SVEP1: variants seen among roughly 807,000 people sequenced by gnomAD.
SVEP1 encodes sushi, von Willebrand factor type A, EGF and pentraxin domain containing 1.
Under a neutral mutation model 367.3 loss-of-function variants are expected in SVEP1, and 164 were observed. That is an observed-to-expected ratio of 0.45 (90% CI 0.39 to 0.51). The LOEUF (loss-of-function observed/expected upper bound fraction) is 0.51, where lower values mean the gene tolerates loss of function less well. SVEP1 is among the 20% of genes least tolerant of loss of function. The pLI, the probability that SVEP1 is intolerant of heterozygous loss-of-function variation, is 0.00. For missense variants in SVEP1, 4,117 were observed against 4,425.3 expected (o/e 0.93, Z 1.98); for synonymous variants, 1,666 against 1,611.6 (o/e 1.03, Z -0.81).
Position 110,431,937 on chromosome 9 carries a change from T to A in SVEP1, c.5331A>T (p.Thr1777=), listed in dbSNP as rs1828356117. The A allele has an allele frequency of 2.5e-6, 4 of 1,613,572 alleles. No homozygotes were observed. Among genetic ancestry groups the A allele is most frequent in the Non-Finnish European group, 3.4e-6 (4 of 1,179,690 alleles). The part of the protein sequence containing the change: ...SYICSCVPPY[T]GDGKNCAEPI... ...TACCTGCACAGTTTTTCCCATCTCC[T>A]GTGTACGGTGGGACACATGAACATA... Residue 1777 remains threonine, a synonymous_variant, in exon 32 of 48, where the codon ACA becomes ACT. Coordinates refer to ENST00000374469, the MANE Select transcript of SVEP1 (RefSeq NM_153366.4).
chr9:110,522,844 A>G (rs1053587923), intron 3 of SVEP1, among the ~76,000 whole-genome samples: 3 of 152,154 alleles, frequency 2.0e-5, no homozygotes, highest in African/African-American at 7.2e-5. Context: ...AATACGGATT[A>G]TATCAGTTGT....
chr9:110,382,149 G>A (rs564109031), intron 43 of SVEP1, among the ~76,000 whole-genome samples: 1 of 152,216 alleles, frequency 6.6e-6, no homozygotes, highest in Admixed American at 6.5e-5. Context: ...TTGCAGACTT[G>A]TTGATGTAGT....
At chr9:110,428,417 C>T (rs10980383) in intron 35 of SVEP1, among the ~76,000 whole-genome samples, 6 of 57,040 alleles carry the variant, frequency 1.1e-4, no homozygotes, top group Non-Finnish European at 2.0e-4. Flanking sequence ...CACACACACA[C>T]ACACACACAC....
chr9:110,560,683 T>C (rs1830416698), intron 1 of SVEP1, among the ~76,000 whole-genome samples: 1 of 152,176 alleles, frequency 6.6e-6, no homozygotes, highest in Non-Finnish European at 1.5e-5. Context: ...TCCCTCCTCC[T>C]GTTTTCAAGA....
intron 3 of SVEP1, among the ~76,000 whole-genome samples, chr9:110,517,567 C>T (rs918636664): frequency 1.4e-5 from 2 of 147,734 alleles, no homozygotes; most frequent in Non-Finnish European, 3.0e-5. Context: ...CACTGAACTC[C>T]AGCCTGGGTG....
intron 3 of SVEP1, among the ~76,000 whole-genome samples, chr9:110,538,238 C>T (rs1830103710): frequency 6.6e-6 from 1 of 152,004 alleles, no homozygotes; most frequent in African/African-American, 2.4e-5. Context: ...GCAACAGTTA[C>T]AAATTCTCCA....
At chr9:110,516,757 AAGAGAATTG>A (rs1829809533) in intron 3 of SVEP1, among the ~76,000 whole-genome samples, 2 of 152,216 alleles carry the variant, frequency 1.3e-5, no homozygotes, top group Non-Finnish European at 1.5e-5. Flanking sequence ...ACTCCAGAAC[AAGAGAATTG>A]AGTAGAAGTA....
At position 110,407,213 on chromosome 9, in the gene SVEP1, G is replaced by T; in HGVS notation, c.8387C>A (p.Thr2796Lys). ...TCCGGGGTCACACTCATAGTACAAC[G>T]TGCTCAGGTATGTGTAGTTGCTTCC... is the stretch of plus-strand genomic sequence containing the variant. Reference protein sequence around the residue: ...IKGSNYTYLSTLYYECDPGYV... With the variant: ...IKGSNYTYLSKLYYECDPGYV... Residue 2796 changes from threonine to lysine, a missense_variant, in exon 38 of 48, where the codon ACG (threonine) becomes AAG (lysine). Physicochemically the swap from Thr to Lys is moderately conservative, Grantham distance 78. Around this residue, in one of 4 missense-constraint regions of SVEP1, gnomAD observed 1,765 missense variants for 1,781.1 expected, o/e 0.99. Coordinates refer to ENST00000374469, the MANE Select transcript of SVEP1 (RefSeq NM_153366.4). 6.2e-7 allele frequency: 1 copy of T among 1,613,970 alleles called. No individual in the cohort carries two copies. Among genetic ancestry groups the T allele is most frequent in the South Asian group, 1.1e-5 (1 of 91,080 alleles).
chr9:110,398,891 T>C (rs1448025569), intron 40 of SVEP1, among the ~76,000 whole-genome samples: 1 of 152,230 alleles, frequency 6.6e-6, no homozygotes, highest in Admixed American at 6.5e-5. Flanking sequence ...TTTTACACTG[T>C]TGGTGAGACT....
In SVEP1 at chr9:110,390,319, A is replaced by ACG. The variant is rs1827629766; in HGVS notation, c.9823-733_9823-732insCG. On this transcript the variant is annotated intron_variant, in intron 40 of 47. Coordinates refer to ENST00000374469, the MANE Select transcript of SVEP1 (RefSeq NM_153366.4). ...TATATACTTATATAAGTATGTGTAT[A>ACG]TATACTTATATATACACATACTTAT... is the stretch of plus-strand genomic sequence containing the variant. Among the ~76,000 whole-genome samples the ACG allele has an allele frequency of 3.5e-5, 4 of 114,778 alleles. No individual in the cohort carries two copies. In the South Asian group the frequency reaches 1.0e-3, roughly 29 times the overall value. The allele number at this position is 114,778 out of a possible 152,430, so 75.3% of individuals were successfully genotyped here. A position where few individuals can be genotyped will look rare whatever the true frequency, so the allele number is the denominator to read the frequency against.
intron 22 of SVEP1, among the ~76,000 whole-genome samples, chr9:110,452,038 G>A (rs768687600): frequency 1.3e-5 from 2 of 152,160 alleles, no homozygotes; most frequent in South Asian, 2.1e-4. Flanking sequence ...ACAAAGACTC[G>A]TTGGGTTGAA....
At chr9:110,435,716 G>A (rs74317999) in intron 28 of SVEP1, among the ~76,000 whole-genome samples, 1,920 of 152,286 alleles carry the variant, frequency 0.013, 41 homozygotes, top group African/African-American at 0.043. Flanking sequence ...AGGAAGCTGA[G>A]GCTTAGAGAT....
chr9:110,379,603 C>G, intron 43 of SVEP1, 86 bp from the exon 44 acceptor site: 1 of 1,369,558 alleles, frequency 7.3e-7, no homozygotes, highest in Non-Finnish European at 1.0e-6. Context: ...AATTAAAGAG[C>G]AAAAATAAAA....
At chr9:110,541,536 G>T (rs1830144779) in intron 3 of SVEP1, among the ~76,000 whole-genome samples, 1 of 152,016 alleles carries the variant, frequency 6.6e-6, no homozygotes, top group Admixed American at 6.6e-5. Flanking sequence ...ATATACGGTT[G>T]TCACTTCATA....
chr9:110,452,523 G>C (rs530697135), intron 22 of SVEP1, among the ~76,000 whole-genome samples: 1 of 152,320 alleles, frequency 6.6e-6, no homozygotes, highest in East Asian at 1.9e-4. Flanking sequence ...AAAGAAAATG[G>C]AAACCAGGCA....
intron 12 of SVEP1, among the ~76,000 whole-genome samples, chr9:110,480,777 G>A (rs1588073925): frequency 1.3e-5 from 2 of 151,780 alleles, no homozygotes; most frequent in Admixed American, 6.6e-5. Flanking sequence ...GACCACAGGA[G>A]CACACCACCA....
intron 10 of SVEP1, among the ~76,000 whole-genome samples, chr9:110,483,079 G>A (rs1186628638): frequency 2.6e-5 from 4 of 151,984 alleles, no homozygotes; most frequent in Non-Finnish European, 5.9e-5. Context: ...TACGACATTG[G>A]GACTTAAATT....
At chr9:110,487,774 T>C (rs58131698) in intron 9 of SVEP1, among the ~76,000 whole-genome samples, 4,284 of 152,244 alleles carry the variant, frequency 0.028, 194 homozygotes, top group African/African-American at 0.098. Flanking sequence ...TATCACAAAT[T>C]AAAAATCTCA....
intron 35 of SVEP1, among the ~76,000 whole-genome samples, chr9:110,428,164 C>G (rs1828282842): frequency 6.6e-6 from 1 of 152,138 alleles, no homozygotes. Flanking sequence ...AGGGAACTGT[C>G]CAGGCCATGA....
Sources: allele counts gnomAD v4.1 joint callset (sites outside exome capture counted in the v4.1 genomes callset), GRCh38; gene constraint gnomAD v4.1.1; regional missense constraint gnomAD v4.1.1; transcripts MANE v1.5; gene names NCBI Gene and HGNC (gene_info 2026-07-23, HGNC 2026-07-21).